Variants in ZEB1 observed in about 807,000 individuals in gnomAD.
ZEB1 encodes the protein zinc finger E-box binding homeobox 1, also known as zinc finger E-box-binding homeobox 1.
A neutral mutation model predicts 84.9 loss-of-function variants in ZEB1; 21 were observed. The observed-to-expected ratio is 0.25, with a 90% CI of 0.18 to 0.36. The LOEUF (loss-of-function observed/expected upper bound fraction) is 0.36, where lower values mean the gene tolerates loss of function less well. ZEB1 is among the 10% of genes least tolerant of loss of function. The probability of loss-of-function intolerance (pLI) is 1.00; values close to 1 mark genes in which losing one functional copy is unlikely to be tolerated. For synonymous variants in ZEB1, 420 were observed against 471.1 expected, an observed-to-expected ratio of 0.89 and a Z score of 1.41; for missense variants, 1,104 against 1,330.2, an observed-to-expected ratio of 0.83 and a Z score of 2.65.
chr10:31,373,087 C>T (rs1489205627), intron 1 of ZEB1: 2 of 985,332 alleles, frequency 2.0e-6, no homozygotes, highest in African/African-American at 1.7e-5. Flanking sequence ...ATCCAAATGT[C>T]ATTTTGTGAT....
intron 2 of ZEB1, among the ~76,000 whole-genome samples, chr10:31,477,494 A>T (rs1172087486): frequency 6.6e-6 from 1 of 152,064 alleles, no homozygotes. Context: ...TCTTCACAGA[A>T]TTAGAAAAAA....
chr10:31,503,396 C>T (rs995265073), intron 4 of ZEB1, among the ~76,000 whole-genome samples: 23 of 152,062 alleles, frequency 1.5e-4, no homozygotes, highest in African/African-American at 5.3e-4. Flanking sequence ...ATATCAGCGA[C>T]ATTTGTTTAC....
chr10:31,463,295 T>C (rs1204010407), intron 2 of ZEB1, among the ~76,000 whole-genome samples: 1 of 152,168 alleles, frequency 6.6e-6, no homozygotes, highest in Non-Finnish European at 1.5e-5. Flanking sequence ...GAACTAACCC[T>C]TTTTACTGAA....
At chr10:31,324,203 T>A (rs933343395) in intron 1 of ZEB1, among the ~76,000 whole-genome samples, 6 of 152,018 alleles carry the variant, frequency 3.9e-5, no homozygotes, top group African/African-American at 1.4e-4. Context: ...GACCCTGATA[T>A]AAAAAGCATG....
intron 7 of ZEB1, among the ~76,000 whole-genome samples, chr10:31,522,743 A>G (rs1352235604): frequency 6.6e-6 from 1 of 152,224 alleles, no homozygotes; most frequent in Non-Finnish European, 1.5e-5. Context: ...TGAATACTAG[A>G]GACAAATTTG....
intron 2 of ZEB1, among the ~76,000 whole-genome samples, chr10:31,468,437 G>T (rs2062717616): frequency 6.6e-6 from 1 of 152,174 alleles, no homozygotes; most frequent in African/African-American, 2.4e-5. Flanking sequence ...CACTCAGACA[G>T]CTCTTACCTG....
intron 1 of ZEB1, among the ~76,000 whole-genome samples, chr10:31,394,587 A>C (rs975713002): frequency 2.6e-5 from 4 of 152,158 alleles, no homozygotes; most frequent in Non-Finnish European, 4.4e-5. Context: ...CTGACTTCTC[A>C]CTGTATATGG....
intron 2 of ZEB1, among the ~76,000 whole-genome samples, chr10:31,495,326 C>T (rs1016588430): frequency 6.6e-6 from 1 of 151,922 alleles, no homozygotes; most frequent in Non-Finnish European, 1.5e-5. Context: ...GCTCTTTTCC[C>T]AAAATAGTAC....
chr10:31,409,069 TC>T (rs2053712011), intron 1 of ZEB1, among the ~76,000 whole-genome samples: 1 of 151,920 alleles, frequency 6.6e-6, no homozygotes, highest in Non-Finnish European at 1.5e-5. Flanking sequence ...TACAACCCCA[TC>T]AAAAAGTGGG....
chr10:31,502,477 G>A lies in ZEB1; in HGVS notation c.452G>A (p.Gly151Asp). 1 of 1,613,854 alleles carries A rather than the reference G, an allele frequency of 6.2e-7. No individual in the cohort carries two copies. Among genetic ancestry groups the A allele is most frequent in the South Asian group, 1.1e-5 (1 of 91,066 alleles). Residue 151 changes from glycine (G) to aspartate (D), a missense_variant, in exon 4 of 9, where the codon GGC becomes GAC. Physicochemically the swap from Gly to Asp is moderately conservative, Grantham distance 94 (BLOSUM62 -1). Transcript: ENST00000424869. ...PEAPEEDQRQ[G>D]TPEASGHDEN... The stretch of plus-strand genomic sequence containing the variant: ...GCACCTGAAGAGGACCAGAGGCAGG[G>A]CACACCAGAAGCCAGTGGTCATGAT...
intron 1 of ZEB1, chr10:31,319,791 C>T (rs1256994714): frequency 6.6e-6 from 1 of 151,614 alleles, no homozygotes; most frequent in African/African-American, 2.4e-5. Flanking sequence ...GTGCCCGGCG[C>T]TGACCGTGCA....
Position 31,510,888 on chromosome 10 carries a change from A to C in ZEB1, c.687+13A>C, listed in dbSNP as rs753702144. ...AGGAAGAGATCAAGTAAGTGCAATG[A>C]CTGAGAGTTCACTAACTTTCCAGAT... is the stretch of plus-strand genomic sequence containing the variant. On this transcript the variant is annotated intron_variant, in intron 5 of 8. Transcript: ENST00000424869. The C allele has an allele frequency of 2.5e-6, 4 of 1,612,698 alleles. No individual in the cohort carries two copies. The highest frequency in any genetic ancestry group is 3.4e-6 in the Non-Finnish European group (4 of 1,179,190).
At chr10:31,441,294 G>C (rs1420153227) in intron 1 of ZEB1, among the ~76,000 whole-genome samples, 2 of 152,060 alleles carry the variant, frequency 1.3e-5, no homozygotes, top group African/African-American at 4.8e-5. Flanking sequence ...CTGACAAAAA[G>C]AAGAAATGGG....
chr10:31,375,046 T>TATACACACAC (rs1554828418), intron 1 of ZEB1: 1 of 132,314 alleles, frequency 7.6e-6, no homozygotes, highest in Non-Finnish European at 1.6e-5. Context: ...ATGTTTTTCA[T>TATACACACAC]ACACACACAC....
At chr10:31,370,480 C>T (rs554343228) in intron 1 of ZEB1, among the ~76,000 whole-genome samples, 5 of 152,136 alleles carry the variant, frequency 3.3e-5, no homozygotes, top group East Asian at 1.9e-4. Context: ...AAAAATTTTA[C>T]GTATTTTTAA....
At chr10:31,360,808 A>G (rs774765356) in intron 1 of ZEB1, 1 of 665,362 alleles carries the variant, frequency 1.5e-6, no homozygotes, top group East Asian at 2.7e-5. Context: ...AATCATATAT[A>G]CACTTAAAGT....
At chr10:31,457,390 A>G (rs1379439957) in intron 1 of ZEB1, among the ~76,000 whole-genome samples, 1 of 152,172 alleles carries the variant, frequency 6.6e-6, no homozygotes, top group African/African-American at 2.4e-5. Flanking sequence ...AGTTTCAGTC[A>G]TTAATATCAG....
At chr10:31,434,738 C>T (rs2058094479) in intron 1 of ZEB1, among the ~76,000 whole-genome samples, 1 of 152,086 alleles carries the variant, frequency 6.6e-6, no homozygotes, top group African/African-American at 2.4e-5. Flanking sequence ...GGGATATAGT[C>T]ACTATTGTAG....
rs1049397460 is a variant in ZEB1 at position 31,457,996 on chromosome 10, C to T, written c.59-3041C>T. On this transcript the variant is annotated intron_variant, in intron 1 of 8. Transcript: ENST00000424869. Reference sequence around the variant, plus strand: ...GAATGGCATCAGCATAAAACCATGGCCAACTCAAGATACCAAAGATGTCCA... The same window carrying T: ...GAATGGCATCAGCATAAAACCATGGTCAACTCAAGATACCAAAGATGTCCA... Among the ~76,000 whole-genome samples, 5 of 152,000 alleles carry T rather than the reference C, an allele frequency of 3.3e-5. No individual in the cohort carries two copies. In the East Asian group the frequency reaches 9.6e-4, roughly 29 times the overall value.
Sources: gnomAD v4.1 joint callset for allele counts (sites outside exome capture counted in the v4.1 genomes callset) on GRCh38, gnomAD v4.1.1 for gene constraint, MANE v1.5 for transcripts, NCBI Gene and HGNC (gene_info 2026-07-23, HGNC 2026-07-21) for gene names.